The following KAZN variants were observed in gnomAD, a reference collection of about 807,000 sequenced individuals.
KAZN encodes kazrin, periplakin interacting protein.
Under a neutral mutation model 87.4 loss-of-function variants are expected in KAZN, and 40 were observed. That is an observed-to-expected ratio of 0.46 (90% CI 0.36 to 0.60). The LOEUF (loss-of-function observed/expected upper bound fraction) is 0.60. Among genes scored for constraint, KAZN ranks in the 20% least tolerant of loss-of-function variants. KAZN has a pLI of 0.00. For synonymous variants in KAZN, 466 were observed against 458.3 expected (o/e 1.02, Z -0.22); for missense variants, 898 against 1,073.9 (o/e 0.84, Z 2.29).
intron 1 of KAZN, among the ~76,000 whole-genome samples, chr1:14,055,235 A>G (rs185772669): frequency 6.6e-6 from 1 of 152,360 alleles, no homozygotes; most frequent in East Asian, 1.9e-4. Context: ...CAAGCTCATC[A>G]CAAGTATTAA....
intron 1 of KAZN, among the ~76,000 whole-genome samples, chr1:13,925,596 G>A (rs956907015): frequency 6.6e-6 from 1 of 152,184 alleles, no homozygotes; most frequent in African/African-American, 2.4e-5. Flanking sequence ...AGTGAGGCCC[G>A]AGAGGCACTG....
chr1:14,892,993 G>T (rs140991585), intron 1 of KAZN, among the ~76,000 whole-genome samples: 1 of 152,370 alleles, frequency 6.6e-6, no homozygotes, highest in East Asian at 1.9e-4. Flanking sequence ...AGGATAGAGT[G>T]AACAGAATTA....
chr1:14,826,397 G>A (rs552352855), intron 1 of KAZN, among the ~76,000 whole-genome samples: 9 of 152,356 alleles, frequency 5.9e-5, no homozygotes, highest in Admixed American at 5.2e-4. Context: ...ATAAACACAG[G>A]ATGAGTCATT....
At chr1:14,741,665 G>A (rs1360976999) in intron 1 of KAZN, among the ~76,000 whole-genome samples, 1 of 152,310 alleles carries the variant, frequency 6.6e-6, no homozygotes, top group East Asian at 1.9e-4. Context: ...GGGAGAAGGG[G>A]CACTTCCCCC....
At position 14,864,863 on chromosome 1, in the gene KAZN, A is replaced by G. The variant is rs181145718; in HGVS notation, c.227-95821A>G. Among the ~76,000 whole-genome samples, 544 of 152,228 alleles carry G rather than the reference A, an allele frequency of 3.6e-3. 9 individuals are homozygous for G. Among genetic ancestry groups the G allele is most frequent in the Non-Finnish European group, 5.0e-3 (342 of 68,014 alleles). On this transcript the variant is annotated intron_variant, in intron 1 of 14. Coordinates refer to ENST00000376030, the MANE Select transcript of KAZN (RefSeq NM_201628.3). ...CTCATGTATGAAATGGGATAATAAC[A>G]ACACCCAGCCCACAAGATGGTTGTG... is the stretch of plus-strand genomic sequence containing the variant.
At chr1:14,931,565 C>T (rs1261342617) in intron 1 of KAZN, among the ~76,000 whole-genome samples, 1 of 152,166 alleles carries the variant, frequency 6.6e-6, no homozygotes, top group African/African-American at 2.4e-5. Context: ...TCAGGGATTG[C>T]AGCGGTCTGG....
In KAZN at chr1:14,860,462, G is replaced by A. The variant is rs147617588; in HGVS notation, c.227-100222G>A. On this transcript the variant is annotated intron_variant, in intron 1 of 14. Transcript: ENST00000376030. ...CCACCTCAGCCTCCAAAACTGCTGG[G>A]ATTATTACAGGCATGAGCCACCACG... 5.0e-3 allele frequency among the ~76,000 whole-genome samples: 757 copies of A among 152,246 alleles called. 3 individuals carry two copies. The highest frequency in any genetic ancestry group is 8.7e-3 in the Non-Finnish European group (595 of 68,014).
At chr1:14,588,476 C>T (rs530010870) in intron 2 of KAZN, among the ~76,000 whole-genome samples, 119 of 152,362 alleles carry the variant, frequency 7.8e-4, no homozygotes, top group Non-Finnish European at 1.3e-3. Flanking sequence ...GGAAATCCCA[C>T]TGGTCAGTGA....
At chr1:14,364,233 G>C (rs1215590967) in intron 2 of KAZN, among the ~76,000 whole-genome samples, 1 of 152,044 alleles carries the variant, frequency 6.6e-6, no homozygotes, top group Non-Finnish European at 1.5e-5. Flanking sequence ...TAAGAGTAAG[G>C]GCTCAGGAGC....
At chr1:15,067,024 C>T (rs1014633321) in intron 8 of KAZN, 10 of 985,484 alleles carry the variant, frequency 1.0e-5, no homozygotes, top group Non-Finnish European at 1.2e-5. Flanking sequence ...CAGCCTGCCA[C>T]ACATCCAAGG....
At chr1:14,241,829 A>G (rs1648961009) in intron 2 of KAZN, among the ~76,000 whole-genome samples, 1 of 152,240 alleles carries the variant, frequency 6.6e-6, no homozygotes, top group Non-Finnish European at 1.5e-5. Context: ...GATTTTCATA[A>G]TATCTGTCTC....
At chr1:14,273,628 A>T (rs1196650290) in intron 2 of KAZN, among the ~76,000 whole-genome samples, 2 of 152,210 alleles carry the variant, frequency 1.3e-5, no homozygotes, top group Non-Finnish European at 1.5e-5. Context: ...AAAGGCAAAA[A>T]TAATATCCTG....
chr1:14,646,916 C>T (rs965174136), intron 1 of KAZN, among the ~76,000 whole-genome samples: 2 of 152,124 alleles, frequency 1.3e-5, no homozygotes, highest in African/African-American at 4.8e-5. Context: ...GACAGGGTTC[C>T]CCAGGGCATG....
In KAZN at chr1:14,377,135, A is replaced by G. The variant is rs1200998030; in HGVS notation, c.249+196543A>G. On this transcript the variant is annotated intron_variant, in intron 2 of 16. Transcript: ENST00000636203. The stretch of plus-strand genomic sequence containing the variant: ...TAGTGGGAAACAGAGTACTTTGTTG[A>G]AGTGCTTAAATGGAAGCCATTCTAA... 2.6e-5 allele frequency among the ~76,000 whole-genome samples: 4 copies of G among 152,190 alleles called. 1 individual carries two copies. In the South Asian group the frequency reaches 8.3e-4, roughly 32 times the overall value.
intron 2 of KAZN, among the ~76,000 whole-genome samples, chr1:14,505,217 C>T (rs1442598345): frequency 6.6e-6 from 1 of 152,174 alleles, no homozygotes; most frequent in East Asian, 1.9e-4. Context: ...AGAGAAAAGG[C>T]TCATGGGCCA....
At chr1:14,603,449 A>G (rs1389619274) in intron 1 of KAZN, among the ~76,000 whole-genome samples, 2 of 152,218 alleles carry the variant, frequency 1.3e-5, no homozygotes, top group Non-Finnish European at 2.9e-5. Flanking sequence ...ATGTGTGGTC[A>G]CAAAGAGATT....
intron 2 of KAZN, among the ~76,000 whole-genome samples, chr1:14,492,963 C>T (rs936732148): frequency 1.4e-4 from 21 of 152,020 alleles, no homozygotes; most frequent in African/African-American, 4.8e-4. Context: ...CAGGTCCCGG[C>T]CCTCTTCTCC....
In KAZN at chr1:15,076,415, C is replaced by T. The variant is rs544105565; in HGVS notation, c.1222+10662C>T. On this transcript the variant is annotated intron_variant, in intron 8 of 14. Transcript: ENST00000376030. ...AGATCCTGAGGCTCAATCCCAGCAT[C>T]GGCACATGCCAGCTGTGCAACACCG... is the stretch of plus-strand genomic sequence containing the variant. Among the ~76,000 whole-genome samples the T allele has an allele frequency of 5.3e-5, 8 of 152,338 alleles. No individual in the cohort carries two copies. The East Asian group carries it at 1.2e-3, about 22-fold the overall frequency.
intron 8 of KAZN, among the ~76,000 whole-genome samples, chr1:15,073,490 G>A (rs1431955036): frequency 3.3e-5 from 5 of 151,790 alleles, no homozygotes; most frequent in African/African-American, 1.2e-4. Flanking sequence ...GGTCCCCCCA[G>A]TAAGGGAGGA....
Sources: allele counts gnomAD v4.1 joint callset (sites outside exome capture counted in the v4.1 genomes callset), GRCh38; gene constraint gnomAD v4.1.1; transcripts MANE v1.5; gene names NCBI Gene and HGNC (gene_info 2026-07-23, HGNC 2026-07-21).